The following CRACD variants were observed in gnomAD, a reference collection of about 807,000 sequenced individuals.
CRACD encodes the protein capping protein-inhibiting regulator of actin dynamics.
In CRACD, 56 loss-of-function variants were observed where a neutral mutation model predicts 106.8. That is an observed-to-expected ratio of 0.52 (90% CI 0.42 to 0.66). The LOEUF (loss-of-function observed/expected upper bound fraction) is 0.66. Among genes scored for constraint, CRACD ranks in the 30% least tolerant of loss-of-function variants. The pLI, the probability that CRACD is intolerant of heterozygous loss-of-function variation, is 0.00. For synonymous variants in CRACD, 754 were observed against 670.8 expected (o/e 1.12, Z -1.92); for missense variants, 1,730 against 1,623.2 (o/e 1.07, Z -1.13).
chr4:56,119,271 T>G (rs1279243961), intron 1 of CRACD, among the ~76,000 whole-genome samples: 1 of 152,134 alleles, frequency 6.6e-6, no homozygotes, highest in Non-Finnish European at 1.5e-5. Context: ...CTTTTTACAA[T>G]GGGGTAAATT....
chr4:56,225,918 T>G (rs1420166081), intron 2 of CRACD, among the ~76,000 whole-genome samples: 1 of 152,236 alleles, frequency 6.6e-6, no homozygotes, highest in Non-Finnish European at 1.5e-5. Flanking sequence ...CTTCAAGCTG[T>G]TGCTGTAAGG....
intron 1 of CRACD, among the ~76,000 whole-genome samples, chr4:56,086,585 C>T (rs754485563): frequency 6.6e-6 from 1 of 152,154 alleles, no homozygotes; most frequent in Non-Finnish European, 1.5e-5. Context: ...ACTTTCCCTT[C>T]ACCTCTTCCC....
chr4:56,310,916 G>C, intron 6 of CRACD, 182 bp downstream of exon 6: 1 of 575,092 alleles, frequency 1.7e-6, no homozygotes, highest in Non-Finnish European at 3.1e-6. Flanking sequence ...TCCATGGCAA[G>C]GCAACTGCTG....
intron 1 of CRACD, among the ~76,000 whole-genome samples, chr4:56,111,013 T>C (rs1181729582): frequency 6.6e-6 from 1 of 152,118 alleles, no homozygotes; most frequent in East Asian, 1.9e-4. Flanking sequence ...GGTGGAAAGA[T>C]GAGTTGTTCA....
intron 2 of CRACD, among the ~76,000 whole-genome samples, chr4:56,209,835 A>T (rs1168128957): frequency 6.6e-6 from 1 of 152,150 alleles, no homozygotes; most frequent in Non-Finnish European, 1.5e-5. Context: ...ACCCTCCCTA[A>T]TGTCTTTTCC....
At chr4:56,284,968 C>T (rs1743253518) in intron 3 of CRACD, among the ~76,000 whole-genome samples, 1 of 152,108 alleles carries the variant, frequency 6.6e-6, no homozygotes. Context: ...TATAAAGAGA[C>T]TGTGTAATTT....
intron 2 of CRACD, among the ~76,000 whole-genome samples, chr4:56,207,019 A>G (rs1255059862): frequency 6.6e-6 from 1 of 152,216 alleles, no homozygotes. Flanking sequence ...TAATACCACG[A>G]GTTTGGAGTA....
At chr4:56,198,560 C>G (rs187198287) in intron 2 of CRACD, among the ~76,000 whole-genome samples, 2 of 152,236 alleles carry the variant, frequency 1.3e-5, no homozygotes, top group African/African-American at 4.8e-5. Context: ...AAGCATAAAA[C>G]CCAGAGAAGA....
chr4:56,216,719 G>A lies in CRACD; in HGVS notation c.-189+37289G>A, dbSNP rs144662592. On this transcript the variant is annotated intron_variant, in intron 2 of 10. Coordinates refer to ENST00000682029, the MANE Select transcript of CRACD (RefSeq NM_001393381.1). ...TGTCAGGCCGGGCGCGGTGGCTCACGCCTGTAATCCCAGCACTTTGGGAGG... is the reference window on the plus strand; with the variant it reads ...TGTCAGGCCGGGCGCGGTGGCTCACACCTGTAATCCCAGCACTTTGGGAGG... 3.4e-3 allele frequency among the ~76,000 whole-genome samples: 517 copies of A among 151,722 alleles called. 2 individuals are homozygous for A. The highest frequency in any genetic ancestry group is 0.012 in the African/African-American group (481 of 41,370).
intron 2 of CRACD, among the ~76,000 whole-genome samples, chr4:56,182,831 A>AT (rs1419166228): frequency 6.8e-6 from 1 of 147,742 alleles, no homozygotes; most frequent in Non-Finnish European, 1.5e-5. Flanking sequence ...GAATTAAATG[A>AT]TTTTTTCTCA....
At chr4:56,251,655 C>G (rs1459033660) in intron 2 of CRACD, among the ~76,000 whole-genome samples, 1 of 152,122 alleles carries the variant, frequency 6.6e-6, no homozygotes, top group Non-Finnish European at 1.5e-5. Context: ...AATTTTGGTA[C>G]TTGAGAAGCA....
Position 56,298,364 on chromosome 4 carries a change from G to C in CRACD, c.120+15G>C, listed in dbSNP as rs1456602384. 2 of 1,613,348 alleles carry C rather than the reference G, an allele frequency of 1.2e-6. No homozygotes were observed. The highest frequency in any genetic ancestry group is 2.7e-5 in the African/African-American group (2 of 74,918). On this transcript the variant is annotated intron_variant, in intron 4 of 10. Coordinates refer to ENST00000682029, the MANE Select transcript of CRACD (RefSeq NM_001393381.1). ...AAACTCTTCAGGTAAGACAGCTTGA[G>C]AGTGGAATTACGAGCCATAGGAGGG...
chr4:56,260,243 C>T (rs1211682462), intron 2 of CRACD, among the ~76,000 whole-genome samples: 4 of 152,162 alleles, frequency 2.6e-5, no homozygotes, highest in African/African-American at 7.2e-5. Context: ...ACATAAGATA[C>T]GATAATGATA....
At chr4:56,135,519 T>G (rs1734973347) in intron 1 of CRACD, among the ~76,000 whole-genome samples, 1 of 152,198 alleles carries the variant, frequency 6.6e-6, no homozygotes. Flanking sequence ...CTCCAATTAG[T>G]GTTATCAAAT....
chr4:56,181,344 A>G (rs1315263877), intron 2 of CRACD, among the ~76,000 whole-genome samples: 14 of 152,202 alleles, frequency 9.2e-5, no homozygotes, highest in Non-Finnish European at 2.1e-4. Flanking sequence ...TTCCAGCCAC[A>G]GCCAGGAGCC....
At chr4:56,186,801 C>T (rs1259834841) in intron 2 of CRACD, among the ~76,000 whole-genome samples, 1 of 152,168 alleles carries the variant, frequency 6.6e-6, no homozygotes, top group Non-Finnish European at 1.5e-5. Flanking sequence ...GTGGCCCATG[C>T]TTGTAATCCC....
chr4:56,220,082 G>A (rs539633934), intron 2 of CRACD, among the ~76,000 whole-genome samples: 2 of 152,294 alleles, frequency 1.3e-5, no homozygotes, highest in African/African-American at 4.8e-5. Flanking sequence ...CTTACCTTTG[G>A]TAACGTAGGC....
At chr4:56,228,348 A>C (rs1021904467) in intron 2 of CRACD, among the ~76,000 whole-genome samples, 2 of 152,140 alleles carry the variant, frequency 1.3e-5, no homozygotes, top group Non-Finnish European at 2.9e-5. Context: ...AACAACTATG[A>C]TTTACTGTAA....
At chr4:56,188,960 A>G (rs934857758) in intron 2 of CRACD, among the ~76,000 whole-genome samples, 9 of 152,080 alleles carry the variant, frequency 5.9e-5, no homozygotes, top group African/African-American at 1.9e-4. Flanking sequence ...TCACTTAAGA[A>G]TGTGCATCAC....
Sources: allele counts gnomAD v4.1 joint callset (sites outside exome capture counted in the v4.1 genomes callset), GRCh38; gene constraint gnomAD v4.1.1; transcripts MANE v1.5; gene names NCBI Gene and HGNC (gene_info 2026-07-23, HGNC 2026-07-21).